Variants in CDH18 observed in about 807,000 individuals in gnomAD.
CDH18 encodes cadherin 18, also known as cadherin-18.
Under a neutral mutation model 67.9 loss-of-function variants are expected in CDH18, and 31 were observed. The observed-to-expected ratio is 0.46, with a 90% CI of 0.34 to 0.62. The LOEUF is 0.62. CDH18 is among the 20% of genes least tolerant of loss of function. CDH18 has a pLI of 0.01. For synonymous variants in CDH18, 362 were observed against 347.2 expected (o/e 1.04, Z -0.48); for missense variants, 890 against 975.5 (o/e 0.91, Z 1.17).
chr5:19,616,248 T>C (rs1382841139), intron 5 of CDH18, among the ~76,000 whole-genome samples: 1 of 152,056 alleles, frequency 6.6e-6, no homozygotes, highest in African/African-American at 2.4e-5. Flanking sequence ...TTTAACCGAA[T>C]AAAATATATA....
Position 19,473,487 on chromosome 5 carries a change from TG to T in CDH18, c.2111del (p.Ser704TyrfsTer7). 1 of 1,613,850 alleles carries T rather than the reference TG, an allele frequency of 6.2e-7. No individual in the cohort carries two copies. The highest frequency in any genetic ancestry group is 1.3e-5 in the African/African-American group (1 of 75,004). On this transcript the variant is annotated frameshift_variant, in exon 13 of 13. Transcript: ENST00000382275. LOFTEE classifies it high-confidence loss of function. ...EVKLTPRHQT[S>X]STLESIDVQE... Reference sequence around the variant, plus strand: ...GAACATCTATGCTTTCCAGGGTGGATGATGTCTGGTGTCTGGGAGTGAGCTT... The same window carrying T: ...GAACATCTATGCTTTCCAGGGTGGATATGTCTGGTGTCTGGGAGTGAGCTT...
intron 1 of CDH18, among the ~76,000 whole-genome samples, chr5:20,544,216 AAT>A (rs10572725): frequency 0.44 from 66,787 of 151,728 alleles, 15,111 homozygotes; most frequent in East Asian, 0.57. Context: ...AAATTGGAGA[AAT>A]ATTCACAAGC....
At chr5:20,548,928 G>T (rs1451262079) in intron 1 of CDH18, among the ~76,000 whole-genome samples, 1 of 152,150 alleles carries the variant, frequency 6.6e-6, no homozygotes. Context: ...ATTCACAGTG[G>T]TGTAGGATTG....
At chr5:19,642,769 A>T (rs1323009720) in intron 5 of CDH18, among the ~76,000 whole-genome samples, 2 of 151,938 alleles carry the variant, frequency 1.3e-5, no homozygotes, top group East Asian at 1.9e-4. Context: ...CCAGGCAATA[A>T]TTTTTTTGGA....
At chr5:20,506,809 G>A (rs1234561556) in intron 1 of CDH18, among the ~76,000 whole-genome samples, 1 of 152,138 alleles carries the variant, frequency 6.6e-6, no homozygotes, top group Admixed American at 6.5e-5. Flanking sequence ...TCTACCAAGT[G>A]TTGAGGATGT....
rs544041310 is a variant in CDH18, at chr5:20,325,531, C to T, written c.-579-70026G>A. 1.2e-4 allele frequency among the ~76,000 whole-genome samples: 18 copies of T among 152,158 alleles called. No individual in the cohort carries two copies. In the South Asian group the frequency reaches 1.2e-3, roughly 11 times the overall value. On this transcript the variant is annotated intron_variant, in intron 1 of 14. Transcript: ENST00000507958. The stretch of plus-strand genomic sequence containing the variant: ...ACTTCATCCACTGTGACCCTATGAC[C>T]GCACCCTTCCGCCACCCATCCCTCA...
intron 2 of CDH18, among the ~76,000 whole-genome samples, chr5:20,090,671 C>T (rs988305938): frequency 1.3e-5 from 2 of 151,672 alleles, no homozygotes; most frequent in Admixed American, 6.6e-5. Context: ...GTATGTAGAC[C>T]AGAAATGGAT....
At chr5:19,794,030 T>A (rs1349768925) in intron 3 of CDH18, among the ~76,000 whole-genome samples, 1 of 152,156 alleles carries the variant, frequency 6.6e-6, no homozygotes, top group Non-Finnish European at 1.5e-5. Flanking sequence ...ATTTATGAAT[T>A]AAATAATTAA....
At chr5:20,287,428 A>G (rs946671106) in intron 1 of CDH18, among the ~76,000 whole-genome samples, 6 of 151,740 alleles carry the variant, frequency 4.0e-5, no homozygotes, top group African/African-American at 1.4e-4. Flanking sequence ...CTAAGATTTG[A>G]TATTTCATAA....
chr5:20,542,076 G>T (rs1303977684), intron 1 of CDH18, among the ~76,000 whole-genome samples: 1 of 152,162 alleles, frequency 6.6e-6, no homozygotes, highest in Non-Finnish European at 1.5e-5. Context: ...CTCCTGAGTA[G>T]CTGGGACTAC....
chr5:19,814,366 A>T (rs950359369), intron 3 of CDH18, among the ~76,000 whole-genome samples: 1 of 151,822 alleles, frequency 6.6e-6, no homozygotes, highest in Admixed American at 6.6e-5. Context: ...CTAAAAAAAA[A>T]CACTCTTGCA....
chr5:20,079,344 T>C (rs1048007876), intron 2 of CDH18, among the ~76,000 whole-genome samples: 21 of 152,200 alleles, frequency 1.4e-4, no homozygotes, highest in African/African-American at 5.1e-4. Context: ...TTATCTCACT[T>C]TACCTATGTC....
At chr5:19,742,302 C>T (rs988728011) in intron 4 of CDH18, among the ~76,000 whole-genome samples, 2 of 152,122 alleles carry the variant, frequency 1.3e-5, no homozygotes, top group Non-Finnish European at 2.9e-5. Flanking sequence ...GTCTCTGGTA[C>T]TGCCTTTTCT....
chr5:19,532,407 T>A (rs1748774002), intron 9 of CDH18, among the ~76,000 whole-genome samples: 1 of 152,192 alleles, frequency 6.6e-6, no homozygotes, highest in Admixed American at 6.5e-5. Flanking sequence ...TTAACATTTT[T>A]TTATTTTCAT....
At chr5:20,035,013 T>C (rs1173820094) in intron 2 of CDH18, among the ~76,000 whole-genome samples, 1 of 152,066 alleles carries the variant, frequency 6.6e-6, no homozygotes, top group African/African-American at 2.4e-5. Context: ...CATAAAACCT[T>C]TCAAATCCAT....
At chr5:20,268,271 T>C (rs1000974879) in intron 1 of CDH18, among the ~76,000 whole-genome samples, 1 of 152,232 alleles carries the variant, frequency 6.6e-6, no homozygotes, top group African/African-American at 2.4e-5. Context: ...CGTGATTGTG[T>C]CTTTTTGGGT....
chr5:19,561,791 C>T (rs1489377505), intron 8 of CDH18, among the ~76,000 whole-genome samples: 3 of 152,208 alleles, frequency 2.0e-5, no homozygotes, highest in South Asian at 4.2e-4. Context: ...ATTCAGCCTT[C>T]AAAGTCTAAA....
rs74691576 is a variant in CDH18, at chr5:20,553,935, A to G, written c.-580+21527T>C. On this transcript the variant is annotated intron_variant, in intron 1 of 14. Coordinates refer to the CDH18 transcript ENST00000507958. ...TAGTAAAGCTATTGTTCTTATTCAT[A>G]CATTTATGATTTAAGAAGTATTTTC... Among the ~76,000 whole-genome samples, 756 of 152,318 alleles carry G rather than the reference A, an allele frequency of 5.0e-3. 9 individuals carry two copies. The highest frequency in any genetic ancestry group is 0.017 in the African/African-American group (723 of 41,566).
At chr5:20,192,445 T>C (rs2126722157) in intron 2 of CDH18, among the ~76,000 whole-genome samples, 1 of 152,272 alleles carries the variant, frequency 6.6e-6, no homozygotes, top group East Asian at 1.9e-4. Context: ...TCCTGAATGG[T>C]ATTGCCTAGG....
Sources: allele counts gnomAD v4.1 joint callset (sites outside exome capture counted in the v4.1 genomes callset), GRCh38; gene constraint gnomAD v4.1.1; transcripts MANE v1.5; gene names NCBI Gene and HGNC (gene_info 2026-07-23, HGNC 2026-07-21).